AK8: variants seen among roughly 807,000 people sequenced by gnomAD.
AK8 encodes adenylate kinase 8.
Under a neutral mutation model 54.6 loss-of-function variants are expected in AK8, and 44 were observed. That is an observed-to-expected ratio of 0.81 (90% CI 0.63 to 1.04). The LOEUF (loss-of-function observed/expected upper bound fraction) is 1.04, where lower values mean the gene tolerates loss of function less well. Ranked by LOEUF, AK8 falls within the 50% of genes least tolerant of loss-of-function variation. The pLI is 0.00. For synonymous variants in AK8, 239 were observed against 245.6 expected (o/e 0.97, Z 0.25); for missense variants, 555 against 613.6 (o/e 0.90, Z 1.01).
chr9:132,872,988 T>A (rs1843922494), intron 2 of AK8, among the ~76,000 whole-genome samples: 1 of 152,148 alleles, frequency 6.6e-6, no homozygotes, highest in Non-Finnish European at 1.5e-5. Context: ...ATTTTTTTTT[T>A]ATTTTTAGTA....
intron 12 of AK8, 55 bp from the exon 13 acceptor site, chr9:132,725,980 G>A: frequency 6.5e-7 from 1 of 1,541,074 alleles, no homozygotes; most frequent in Non-Finnish European, 8.9e-7. Context: ...AAGCAGGGGA[G>A]AAAGGGACCC....
intron 10 of AK8, among the ~76,000 whole-genome samples, chr9:132,800,157 G>A (rs1310874799): frequency 6.6e-6 from 1 of 152,154 alleles, no homozygotes; most frequent in African/African-American, 2.4e-5. Context: ...CCCATCTCTG[G>A]AGGCCATCAC....
rs202037628 is a variant in AK8 at position 132,866,900 on chromosome 9, T to C, written c.219+4A>G. 37 of 1,613,620 alleles carry C rather than the reference T, an allele frequency of 2.3e-5. No homozygotes were observed. Among genetic ancestry groups the C allele is most frequent in the Non-Finnish European group, 3.1e-5 (36 of 1,179,672 alleles). The stretch of plus-strand genomic sequence containing the variant: ...CATCACAACACTTAATATGATACAC[T>C]TACTATTGTTGTTTTCCCTGAGGCG... On this transcript the variant is annotated splice_donor_region_variant and intron_variant, in intron 3 of 12. Transcript: ENST00000298545.
At chr9:132,733,713 C>T (rs1836971282) in intron 11 of AK8, among the ~76,000 whole-genome samples, 1 of 152,270 alleles carries the variant, frequency 6.6e-6, no homozygotes, top group African/African-American at 2.4e-5. Flanking sequence ...CTGAGAGCTA[C>T]TGCTCTGTGC....
intron 10 of AK8, among the ~76,000 whole-genome samples, chr9:132,810,081 G>A (rs1050202589): frequency 1.3e-5 from 2 of 152,232 alleles, no homozygotes; most frequent in African/African-American, 2.4e-5. Context: ...GCCCACTAAT[G>A]AGACCCTGTT....
At position 132,754,462 on chromosome 9, in the gene AK8, T is replaced by A. The variant is rs147535182; in HGVS notation, c.1122-26928A>T. ...AGTGACTCTGAATGTTCGTGGAAGA[T>A]CAGTAAGCATGCAAATGAGAGAACA... On this transcript the variant is annotated intron_variant, in intron 11 of 12. Transcript: ENST00000298545. Among the ~76,000 whole-genome samples, 371 of 152,258 alleles carry A rather than the reference T, an allele frequency of 2.4e-3. 3 individuals carry two copies. The highest frequency in any genetic ancestry group is 0.023 in the East Asian group (120 of 5,178).
chr9:132,775,239 T>G (rs975377080), intron 11 of AK8, among the ~76,000 whole-genome samples: 1 of 152,180 alleles, frequency 6.6e-6, no homozygotes, highest in Non-Finnish European at 1.5e-5. Flanking sequence ...AAATGTTAAG[T>G]GGTAAATAAA....
At chr9:132,823,479 G>A (rs1035120607) in intron 8 of AK8, 143 bp from the exon 9 acceptor site, 46 of 1,214,868 alleles carry the variant, frequency 3.8e-5, no homozygotes, top group Non-Finnish European at 4.6e-5. Flanking sequence ...TGCATCTGGC[G>A]AAGAGGCAGG....
At chr9:132,878,624 C>A, upstream of AK8, 1 of 1,051,568 alleles carries the variant, frequency 9.5e-7, no homozygotes, top group Non-Finnish European at 1.1e-6. This position sits in a 1 kb window ranked among gnomAD's most constrained non-coding sequence, Gnocchi z 4.7. Context: ...GCTCCCCGGC[C>A]CGGCTCCCTG....
intron 10 of AK8, among the ~76,000 whole-genome samples, chr9:132,806,864 T>G (rs1840748392): frequency 6.6e-6 from 1 of 152,168 alleles, no homozygotes; most frequent in Non-Finnish European, 1.5e-5. Flanking sequence ...GAGGTCTCAT[T>G]ACCAGAAAGG....
At chr9:132,740,031 C>T (rs1837296622) in intron 11 of AK8, among the ~76,000 whole-genome samples, 1 of 152,210 alleles carries the variant, frequency 6.6e-6, no homozygotes, top group African/African-American at 2.4e-5. Context: ...GCCAATATCC[C>T]CATCTAGTAA....
chr9:132,730,226 G>T (rs1435653712), intron 11 of AK8, among the ~76,000 whole-genome samples: 1 of 152,180 alleles, frequency 6.6e-6, no homozygotes, highest in Non-Finnish European at 1.5e-5. Context: ...CAGATGTGTT[G>T]AGCGGGCTGC....
chr9:132,840,485 C>G (rs1842499021), intron 5 of AK8, among the ~76,000 whole-genome samples: 1 of 151,994 alleles, frequency 6.6e-6, no homozygotes, highest in African/African-American at 2.4e-5. Context: ...CAGTCTGCAG[C>G]TGGCTCGGAA....
intron 9 of AK8, 100 bp downstream of exon 9, chr9:132,823,105 C>G: frequency 6.9e-7 from 1 of 1,444,274 alleles, no homozygotes; most frequent in Admixed American, 2.5e-5. Context: ...CTGACCCTTC[C>G]CCCCCAACAC....
chr9:132,815,229 G>A (rs1180670287), intron 9 of AK8, among the ~76,000 whole-genome samples: 6 of 152,216 alleles, frequency 3.9e-5, no homozygotes, highest in African/African-American at 1.4e-4. Context: ...CCATGGGATG[G>A]TGGGGCCACA....
Position 132,878,091 on chromosome 9 carries a change from G to C in AK8, c.84+81C>G. On this transcript the variant is annotated intron_variant, in intron 1 of 12. Transcript: ENST00000298545. This position sits in a 1 kb window ranked among gnomAD's most constrained non-coding sequence, Gnocchi z 4.7. ...GGCGCGCGACTCGGCCCCAGCTGCG[G>C]GTCCCGGCCGCGCACCCGACGTCGC... 3.3e-6 allele frequency: 5 copies of C among 1,536,304 alleles called. No individual in the cohort carries two copies. Among genetic ancestry groups the C allele is most frequent in the Non-Finnish European group, 4.4e-6 (5 of 1,136,716 alleles).
Position 132,827,260 on chromosome 9 carries a change from A to G in AK8, c.557-206T>C. ...TAACTATTATTCTTGTTACAATACA[A>G]GAACAGGACCCAGGGCAAGGGCTGC... On this transcript the variant is annotated intron_variant, in intron 7 of 12. Transcript: ENST00000298545. 3 of 622,168 alleles carry G rather than the reference A, an allele frequency of 4.8e-6. No homozygotes were observed. In the South Asian group the frequency reaches 5.8e-5, roughly 12 times the overall value. 38.5% of individuals were successfully genotyped at this position (622,168 alleles called of 1,614,324 possible).
At chr9:132,842,246 T>C (rs1265137642) in intron 5 of AK8, among the ~76,000 whole-genome samples, 1 of 152,194 alleles carries the variant, frequency 6.6e-6, no homozygotes, top group Non-Finnish European at 1.5e-5. Context: ...CATGTGCATG[T>C]TGGGATAAGA....
chr9:132,775,368 C>T (rs769238860), intron 11 of AK8, among the ~76,000 whole-genome samples: 1 of 152,096 alleles, frequency 6.6e-6, no homozygotes, highest in African/African-American at 2.4e-5. Context: ...AGTGGCGCAA[C>T]CTTGGCTCAC....
Sources: allele counts gnomAD v4.1 joint callset (sites outside exome capture counted in the v4.1 genomes callset), GRCh38; gene constraint gnomAD v4.1.1; non-coding constraint Gnocchi (gnomAD v3.1); transcripts MANE v1.5; gene names NCBI Gene and HGNC (gene_info 2026-07-23, HGNC 2026-07-21).